SGCZ: variants seen among roughly 807,000 people sequenced by gnomAD.
The protein encoded by SGCZ is sarcoglycan zeta.
SGCZ carries 40 observed loss-of-function variants against 41.3 expected under a neutral mutation model. The ratio of observed to expected loss-of-function variants is 0.97; its 90% CI spans 0.75 to 1.26. SGCZ has a LOEUF of 1.26. Among genes scored for constraint, SGCZ ranks in the 50% most tolerant of loss-of-function variants. SGCZ has a pLI of 0.00. For synonymous variants in SGCZ, 206 were observed against 137.5 expected, an observed-to-expected ratio of 1.50 and a Z score of -3.49; for missense variants, 552 against 369.8, an observed-to-expected ratio of 1.49 and a Z score of -4.04.
intron 4 of SGCZ, among the ~76,000 whole-genome samples, chr8:14,212,882 A>T (rs1372679505): frequency 6.6e-6 from 1 of 152,100 alleles, no homozygotes; most frequent in Admixed American, 6.5e-5. Context: ...AAAAATACCA[A>T]ATGAAACTTA....
At chr8:14,260,937 G>C (rs1419986211) in intron 3 of SGCZ, among the ~76,000 whole-genome samples, 2 of 152,138 alleles carry the variant, frequency 1.3e-5, no homozygotes, top group African/African-American at 4.8e-5. Context: ...TCACACTCCA[G>C]GGACAGTTGT....
At chr8:14,844,164 T>C (rs1006989648) in intron 1 of SGCZ, among the ~76,000 whole-genome samples, 7 of 152,080 alleles carry the variant, frequency 4.6e-5, no homozygotes, top group Non-Finnish European at 1.0e-4. Context: ...TAAAATGGCA[T>C]AGTATTTACA....
intron 1 of SGCZ, among the ~76,000 whole-genome samples, chr8:14,978,318 A>G (rs1801547776): frequency 7.0e-6 from 1 of 143,550 alleles, no homozygotes; most frequent in African/African-American, 2.8e-5. Flanking sequence ...AAATACAAAA[A>G]ATTAGTTGGG....
chr8:14,620,792 G>A (rs1373997380), intron 1 of SGCZ, among the ~76,000 whole-genome samples: 1 of 152,156 alleles, frequency 6.6e-6, no homozygotes, highest in Non-Finnish European at 1.5e-5. Flanking sequence ...GGAAACAACA[G>A]GTGCTGGAAA....
chr8:14,859,494 C>T (rs895017281), intron 1 of SGCZ, among the ~76,000 whole-genome samples: 2 of 152,140 alleles, frequency 1.3e-5, no homozygotes, highest in African/African-American at 4.8e-5. Flanking sequence ...TTGGACTCTT[C>T]TTTGGAAGAC....
chr8:14,366,919 T>C (rs1416634017), intron 2 of SGCZ, among the ~76,000 whole-genome samples: 1 of 152,158 alleles, frequency 6.6e-6, no homozygotes. Context: ...CTGGAGACAT[T>C]TTCCCCAACG....
Position 14,630,302 on chromosome 8 carries a change from G to A in SGCZ, c.40-75376C>T, listed in dbSNP as rs566912880. Reference sequence around the variant, plus strand: ...ATGTCTGCTCTGTGGAAAAATGCTTGCCTCTAGTGGGCTGTTCTAAGAGAG... The same window carrying A: ...ATGTCTGCTCTGTGGAAAAATGCTTACCTCTAGTGGGCTGTTCTAAGAGAG... On this transcript the variant is annotated intron_variant, in intron 1 of 7. Transcript: ENST00000382080. Among the ~76,000 whole-genome samples the A allele has an allele frequency of 7.0e-4, 106 of 151,766 alleles. 1 individual carries two copies. The Middle Eastern group carries it at 0.014, about 19-fold the overall frequency.
chr8:15,080,632 C>G (rs138584345), intron 1 of SGCZ, among the ~76,000 whole-genome samples: 5,251 of 152,118 alleles, frequency 0.035, 175 homozygotes, highest in South Asian at 0.14. Context: ...TGCTCTGTCA[C>G]CAGGCTGGAG....
At chr8:14,760,213 G>A (rs1013862116) in intron 1 of SGCZ, among the ~76,000 whole-genome samples, 2 of 152,080 alleles carry the variant, frequency 1.3e-5, no homozygotes, top group African/African-American at 4.8e-5. Context: ...TTACCAAATA[G>A]CCAAAGCCCA....
At chr8:14,223,548 A>T (rs7818915) in intron 4 of SGCZ, among the ~76,000 whole-genome samples, 137,694 of 152,142 alleles carry the variant, frequency 0.91, 62,459 homozygotes, top group East Asian at 0.97. Flanking sequence ...ATATATATAT[A>T]TTTTAACAGA....
intron 1 of SGCZ, among the ~76,000 whole-genome samples, chr8:15,175,498 A>G (rs1799968912): frequency 6.6e-6 from 1 of 152,154 alleles, no homozygotes; most frequent in African/African-American, 2.4e-5. Context: ...GAACACATAG[A>G]CACATAGAGT....
chr8:14,668,733 G>A (rs1280142052), intron 1 of SGCZ, among the ~76,000 whole-genome samples: 2 of 152,066 alleles, frequency 1.3e-5, no homozygotes, highest in East Asian at 1.9e-4. Flanking sequence ...TTTATATGAG[G>A]GGGTGAGTGA....
intron 1 of SGCZ, among the ~76,000 whole-genome samples, chr8:14,976,488 G>T (rs938006329): frequency 1.3e-5 from 2 of 151,906 alleles, no homozygotes; most frequent in East Asian, 1.9e-4. Context: ...TAACTTGTTA[G>T]ATGTATTTTA....
chr8:14,651,322 T>G (rs952002549), intron 1 of SGCZ, among the ~76,000 whole-genome samples: 2 of 152,106 alleles, frequency 1.3e-5, no homozygotes, highest in Admixed American at 1.3e-4. Context: ...TATTTCCTTA[T>G]TATTTAGAAG....
At chr8:14,598,412 T>A (rs1030131647) in intron 1 of SGCZ, among the ~76,000 whole-genome samples, 2 of 152,188 alleles carry the variant, frequency 1.3e-5, no homozygotes, top group African/African-American at 4.8e-5. Context: ...TAATTTTATG[T>A]CTTTATGTTT....
rs567682910 is a variant in SGCZ at position 14,247,165 on chromosome 8, G to A, written c.337-9486C>T. 3.9e-5 allele frequency among the ~76,000 whole-genome samples: 6 copies of A among 152,068 alleles called. No homozygotes were observed. In the East Asian group the frequency reaches 9.7e-4, roughly 25 times the overall value. On this transcript the variant is annotated intron_variant, in intron 3 of 7. Transcript: ENST00000382080. The stretch of plus-strand genomic sequence containing the variant: ...GCATTTCTACTCTGATACTTTTATT[G>A]AGAATTTCCCCATTTGGTTTAGTCA...
chr8:14,853,005 C>A (rs572449930), intron 1 of SGCZ, among the ~76,000 whole-genome samples: 1 of 152,176 alleles, frequency 6.6e-6, no homozygotes, highest in African/African-American at 2.4e-5. Flanking sequence ...GCCACACTTA[C>A]CAGCCAGAGG....
At chr8:15,116,255 A>AT (rs1807264284) in intron 1 of SGCZ, among the ~76,000 whole-genome samples, 1 of 152,114 alleles carries the variant, frequency 6.6e-6, no homozygotes, top group African/African-American at 2.4e-5. Context: ...GAATATATAC[A>AT]TTTTTTGTCT....
chr8:14,900,464 A>G (rs553518791), intron 1 of SGCZ, among the ~76,000 whole-genome samples: 3 of 152,252 alleles, frequency 2.0e-5, no homozygotes, highest in African/African-American at 7.2e-5. Flanking sequence ...TGGCACAGAA[A>G]TCAACCAACG....
Sources: gnomAD v4.1 joint callset for allele counts (sites outside exome capture counted in the v4.1 genomes callset) on GRCh38, gnomAD v4.1.1 for gene constraint, MANE v1.5 for transcripts, NCBI Gene and HGNC (gene_info 2026-07-23, HGNC 2026-07-21) for gene names.